BRINP1: variants seen among roughly 807,000 people sequenced by gnomAD.
BRINP1 encodes BMP/retinoic acid-inducible neural-specific protein 1.
Under a neutral mutation model 72.9 loss-of-function variants are expected in BRINP1, and 17 were observed. The observed-to-expected ratio is 0.23, with a 90% confidence interval of 0.16 to 0.35. The LOEUF (loss-of-function observed/expected upper bound fraction) is 0.35, where lower values mean the gene tolerates loss of function less well. Among genes scored for constraint, BRINP1 ranks in the 10% least tolerant of loss-of-function variants. BRINP1 has a pLI of 1.00. For synonymous variants in BRINP1, 418 were observed against 378.5 expected (o/e 1.10, Z -1.21); for missense variants, 850 against 1,001.6 (o/e 0.85, Z 2.04).
At chr9:119,345,216 T>C (rs1326266756) in intron 1 of BRINP1, among the ~76,000 whole-genome samples, 4 of 152,206 alleles carry the variant, frequency 2.6e-5, no homozygotes, top group Non-Finnish European at 5.9e-5. Flanking sequence ...TTCCAGACCC[T>C]GAACAACATC....
In BRINP1 at chr9:119,268,489, C is replaced by T. The variant is rs141033489; in HGVS notation, c.219-19339G>A. On this transcript the variant is annotated intron_variant, in intron 2 of 7. Coordinates refer to ENST00000265922, the MANE Select transcript of BRINP1 (RefSeq NM_014618.3). Reference sequence around the variant, plus strand: ...TTCATAGCTTGCAGGGAACACACAGCGCTAAGATCTCTACCATGCTGCCTT... The same window carrying T: ...TTCATAGCTTGCAGGGAACACACAGTGCTAAGATCTCTACCATGCTGCCTT... Among the ~76,000 whole-genome samples, 371 of 152,122 alleles carry T rather than the reference C, an allele frequency of 2.4e-3. 3 individuals carry two copies. The highest frequency in any genetic ancestry group is 8.1e-3 in the African/African-American group (337 of 41,500).
intron 2 of BRINP1, among the ~76,000 whole-genome samples, chr9:119,256,228 C>T (rs888832912): frequency 4.6e-5 from 7 of 152,034 alleles, no homozygotes; most frequent in South Asian, 2.1e-4. Flanking sequence ...ACCATGAAAG[C>T]ATCAATAAAA....
At chr9:119,217,247 A>C (rs745627346) in intron 5 of BRINP1, among the ~76,000 whole-genome samples, 2 of 151,922 alleles carry the variant, frequency 1.3e-5, no homozygotes, top group Non-Finnish European at 2.9e-5. Context: ...TTGTGAAACC[A>C]CTGTTTGAAA....
chr9:119,344,320 AAAT>A (rs760094786), intron 1 of BRINP1, among the ~76,000 whole-genome samples: 4 of 152,216 alleles, frequency 2.6e-5, no homozygotes, highest in Admixed American at 1.3e-4. Flanking sequence ...AAATACATAT[AAAT>A]ACATATGTAT....
At chr9:119,340,008 C>G (rs1831391066) in intron 1 of BRINP1, among the ~76,000 whole-genome samples, 1 of 152,124 alleles carries the variant, frequency 6.6e-6, no homozygotes, top group Non-Finnish European at 1.5e-5. Context: ...CCAAGCTCCC[C>G]CTGTGTTTCA....
intron 2 of BRINP1, among the ~76,000 whole-genome samples, chr9:119,303,677 A>G (rs979219762): frequency 1.3e-5 from 2 of 151,976 alleles, no homozygotes; most frequent in African/African-American, 2.4e-5. Context: ...CTAGTATAAG[A>G]ATGGAGCAAA....
chr9:119,346,937 G>C (rs1389836014), intron 1 of BRINP1, among the ~76,000 whole-genome samples: 1 of 152,152 alleles, frequency 6.6e-6, no homozygotes, highest in Non-Finnish European at 1.5e-5. Context: ...TCTCTACAGA[G>C]TTCACTAGAC....
chr9:119,290,256 G>C (rs1830808511), intron 2 of BRINP1, among the ~76,000 whole-genome samples: 1 of 152,204 alleles, frequency 6.6e-6, no homozygotes, highest in South Asian at 2.1e-4. Context: ...ATAAACAGTG[G>C]TGAATTATGC....
intron 1 of BRINP1, among the ~76,000 whole-genome samples, chr9:119,334,712 A>G (rs1831331454): frequency 6.7e-6 from 1 of 149,968 alleles, no homozygotes; most frequent in Non-Finnish European, 1.5e-5. Flanking sequence ...TCCAAGAATC[A>G]TAGTACTTGT....
intron 5 of BRINP1, among the ~76,000 whole-genome samples, chr9:119,219,722 T>C (rs1830019655): frequency 6.7e-6 from 1 of 150,364 alleles, no homozygotes; most frequent in South Asian, 2.1e-4. Context: ...GTTGCTTGGA[T>C]GCAATGAAAC....
At chr9:119,220,467 T>A (rs557521987) in intron 5 of BRINP1, among the ~76,000 whole-genome samples, 1 of 152,162 alleles carries the variant, frequency 6.6e-6, no homozygotes, top group Non-Finnish European at 1.5e-5. Context: ...ATCGCTGACT[T>A]TGATTCTGCT....
At position 119,167,921 on chromosome 9, in the gene BRINP1, G is replaced by A. The variant is rs1294395219; in HGVS notation, c.1449C>T (p.Phe483=). The change falls in exon 8 of 8, where the codon TTC becomes TTT. Residue 483 remains phenylalanine, a synonymous_variant. Coordinates refer to ENST00000265922, the MANE Select transcript of BRINP1 (RefSeq NM_014618.3). The surrounding 1 kb of genome is among the most constrained non-coding windows in gnomAD (Gnocchi z 4.3). ...GCAGGTACTTCAGCTCCAGGTCCTGGAAGTCCAGGTCAGTCTCAAAGCTGA... is the reference window on the plus strand; with the variant it reads ...GCAGGTACTTCAGCTCCAGGTCCTGAAAGTCCAGGTCAGTCTCAAAGCTGA... The part of the protein sequence containing the change: ...QFISFETDLD[F]QDLELKYLLQ... 1 of 1,614,236 alleles carries A rather than the reference G, an allele frequency of 6.2e-7. No individual in the cohort carries two copies. Among genetic ancestry groups the A allele is most frequent in the Non-Finnish European group, 8.5e-7 (1 of 1,180,048 alleles).
intron 7 of BRINP1, among the ~76,000 whole-genome samples, chr9:119,190,568 C>A (rs547924626): frequency 6.6e-6 from 1 of 151,842 alleles, no homozygotes; most frequent in African/African-American, 2.4e-5. Flanking sequence ...TGGATAAATT[C>A]CTGGAAAATG....
At chr9:119,315,745 A>T (rs1287711989) in intron 1 of BRINP1, among the ~76,000 whole-genome samples, 1 of 152,250 alleles carries the variant, frequency 6.6e-6, no homozygotes, top group Non-Finnish European at 1.5e-5. Flanking sequence ...GTTCCAGTGA[A>T]CACATGAATG....
At chr9:119,352,488 C>T (rs1831516388) in intron 1 of BRINP1, among the ~76,000 whole-genome samples, 1 of 152,076 alleles carries the variant, frequency 6.6e-6, no homozygotes, top group Admixed American at 6.6e-5. Flanking sequence ...GGCTGGAGTG[C>T]AGTGGTGCGA....
intron 7 of BRINP1, among the ~76,000 whole-genome samples, chr9:119,171,597 C>T (rs1338783897): frequency 7.4e-6 from 1 of 135,404 alleles, no homozygotes. Flanking sequence ...AACAAGGATA[C>T]CCAGGAATTG....
In BRINP1 at chr9:119,167,003, G is replaced by GTT; in HGVS notation, c.*79_*80dup. ...AATTACATTTTACAAATTTTTGTGG[G>GTT]TTTTTTTGTTTTGTTTTGCTTCATT... is the stretch of plus-strand genomic sequence containing the variant. On this transcript the variant is annotated 3_prime_UTR_variant, in exon 8 of 8. Coordinates refer to ENST00000265922, the MANE Select transcript of BRINP1 (RefSeq NM_014618.3). This position sits in a 1 kb window ranked among gnomAD's most constrained non-coding sequence, Gnocchi z 4.3. 7.0e-7 allele frequency: 1 copy of GTT among 1,418,516 alleles called. No individual in the cohort carries two copies. Among genetic ancestry groups the GTT allele is most frequent in the Non-Finnish European group, 9.5e-7 (1 of 1,053,698 alleles). 87.9% of individuals were successfully genotyped at this position (1,418,516 alleles called of 1,614,324 possible). A position where few individuals can be genotyped will look rare whatever the true frequency, so the allele number is the denominator to read the frequency against.
chr9:119,313,836 G>A (rs1200317935), intron 1 of BRINP1, among the ~76,000 whole-genome samples: 1 of 152,148 alleles, frequency 6.6e-6, no homozygotes, highest in Non-Finnish European at 1.5e-5. Context: ...GAGACATAGG[G>A]ACACAATTCA....
At chr9:119,194,204 A>C (rs1201495471) in intron 7 of BRINP1, among the ~76,000 whole-genome samples, 10 of 152,204 alleles carry the variant, frequency 6.6e-5, no homozygotes, top group Admixed American at 6.5e-4. Context: ...ACTGATCCAC[A>C]AATCAGGAAC....
Sources: gnomAD v4.1 joint callset for allele counts (sites outside exome capture counted in the v4.1 genomes callset) on GRCh38, gnomAD v4.1.1 for gene constraint, Gnocchi (gnomAD v3.1) non-coding constraint, MANE v1.5 for transcripts, NCBI Gene and HGNC (gene_info 2026-07-23, HGNC 2026-07-21) for gene names.